PTPN22: variants seen among roughly 807,000 people sequenced by gnomAD.
PTPN22 encodes tyrosine-protein phosphatase non-receptor type 22.
A neutral mutation model predicts 103.3 loss-of-function variants in PTPN22; 85 were observed. That is an observed-to-expected ratio of 0.82 (90% CI 0.69 to 0.99). PTPN22 has a LOEUF of 0.99. Among genes scored for constraint, PTPN22 ranks in the 50% least tolerant of loss-of-function variants. The probability of loss-of-function intolerance (pLI) is 0.00; values close to 1 mark genes in which losing one functional copy is unlikely to be tolerated. For missense variants in PTPN22, 865 were observed against 936.9 expected (o/e 0.92, Z 1.00); for synonymous variants, 323 against 310.2 (o/e 1.04, Z -0.43).
At chr1:113,857,901 C>G in intron 4 of PTPN22, 125 bp from the exon 5 acceptor site, 1 of 801,318 alleles carries the variant, frequency 1.2e-6, no homozygotes, top group Non-Finnish European at 2.0e-6. Flanking sequence ...TTTTTTTAAC[C>G]AAAAAATAAA....
intron 11 of PTPN22, among the ~76,000 whole-genome samples, chr1:113,848,104 T>G (rs1212885214): frequency 2.0e-5 from 3 of 151,976 alleles, no homozygotes; most frequent in Non-Finnish European, 4.4e-5. Context: ...GCTGGAGTGC[T>G]GTGGTGCCAT....
chr1:113,840,279 C>T (rs1663433437), intron 11 of PTPN22, among the ~76,000 whole-genome samples: 2 of 150,312 alleles, frequency 1.3e-5, no homozygotes, highest in Non-Finnish European at 3.0e-5. Context: ...TCTCAGATGA[C>T]ATGATTTTAT....
exon 9 of PTPN22, chr1:113,854,502 A>G: frequency 6.2e-7 from 1 of 1,614,062 alleles, no homozygotes; most frequent in Non-Finnish European, 8.5e-7. Flanking sequence ...TGTATAATCA[A>G]TAGCACAAAT....
chr1:113,820,555 A>T (rs1292593857), intron 19 of PTPN22, among the ~76,000 whole-genome samples: 1 of 152,192 alleles, frequency 6.6e-6, no homozygotes, highest in Non-Finnish European at 1.5e-5. Flanking sequence ...ACTTATAGGT[A>T]TAAGTTAACT....
intron 19 of PTPN22, among the ~76,000 whole-genome samples, chr1:113,822,992 C>T (rs1302116637): frequency 6.6e-6 from 1 of 152,122 alleles, no homozygotes; most frequent in South Asian, 2.1e-4. Flanking sequence ...ACTACTCATT[C>T]TAAAGTGGAT....
rs951742208 is a variant in PTPN22 at position 113,836,591 on chromosome 1, T to C, written c.1810+999A>G. On this transcript the variant is annotated intron_variant, in intron 13 of 20. Coordinates refer to ENST00000359785, the Ensembl canonical transcript of PTPN22. ...AAAAATCTGGGTGCTATTGATCAAATTTTTTTCTGCTCTTCCTTTGGAAGC... is the reference window on the plus strand; with the variant it reads ...AAAAATCTGGGTGCTATTGATCAAACTTTTTTCTGCTCTTCCTTTGGAAGC... Among the ~76,000 whole-genome samples the C allele has an allele frequency of 2.0e-5, 3 of 152,178 alleles. No individual in the cohort carries two copies. In the South Asian group the frequency reaches 6.2e-4, roughly 32 times the overall value.
chr1:113,847,236 C>CTTTT (rs34578333), intron 11 of PTPN22, among the ~76,000 whole-genome samples: 1 of 101,444 alleles, frequency 9.9e-6, no homozygotes, highest in Non-Finnish European at 2.1e-5. Flanking sequence ...TGCTGAGACT[C>CTTTT]TTTTTTTTTT....
chr1:113,852,412 T>C (rs1169748852), intron 9 of PTPN22, among the ~76,000 whole-genome samples: 1 of 152,112 alleles, frequency 6.6e-6, no homozygotes, highest in Non-Finnish European at 1.5e-5. Context: ...TTGCATAAAA[T>C]AAAAGAGGTT....
In PTPN22 at chr1:113,834,904, A is replaced by G; in HGVS notation, c.1894+6T>C. 6.5e-7 allele frequency: 1 copy of G among 1,548,778 alleles called. No individual in the cohort carries two copies. Among genetic ancestry groups the G allele is most frequent in the Non-Finnish European group, 8.8e-7 (1 of 1,139,536 alleles). ...CTTTATTTTATACTTACTGAACTGT[A>G]CTCACCAGCTTCCTCAACCACAATA... On this transcript the variant is annotated splice_donor_region_variant and intron_variant, in intron 14 of 20. Coordinates refer to ENST00000359785, the Ensembl canonical transcript of PTPN22.
intron 1 of PTPN22, among the ~76,000 whole-genome samples, chr1:113,868,059 A>AT (rs1298832340): frequency 1.3e-5 from 2 of 152,098 alleles, no homozygotes; most frequent in African/African-American, 4.8e-5. Context: ...TATGCTTTAT[A>AT]TTTTTTATTT....
At chr1:113,871,750 T>TAAACC, upstream of PTPN22, 1 of 766,154 alleles carries the variant, frequency 1.3e-6, no homozygotes, top group Non-Finnish European at 2.2e-6. Context: ...GGCTGTGGTT[T>TAAACC]ACTGACTTCA....
chr1:113,856,039 A>T (rs1016414527), intron 7 of PTPN22, among the ~76,000 whole-genome samples: 17 of 152,182 alleles, frequency 1.1e-4, no homozygotes, highest in Non-Finnish European at 2.1e-4. Flanking sequence ...TTTGAGACAC[A>T]GTCTTGCTCT....
intron 1 of PTPN22, among the ~76,000 whole-genome samples, chr1:113,869,937 T>C (rs1285773411): frequency 1.3e-5 from 2 of 152,176 alleles, no homozygotes; most frequent in Non-Finnish European, 2.9e-5. Context: ...CACAAGATTA[T>C]CCATGTTGAG....
intron 11 of PTPN22, among the ~76,000 whole-genome samples, chr1:113,841,664 G>A (rs576754381): frequency 1.3e-4 from 19 of 150,482 alleles, no homozygotes; most frequent in African/African-American, 4.4e-4. Context: ...GTGCAGTGGT[G>A]CGATCTCGGC....
chr1:113,846,524 A>G (rs1377142635), intron 11 of PTPN22, among the ~76,000 whole-genome samples: 1 of 152,232 alleles, frequency 6.6e-6, no homozygotes, highest in East Asian at 1.9e-4. Context: ...ATAAAACTCA[A>G]GAGGAGAAGG....
At chr1:113,845,182 TG>T (rs1663937892) in intron 11 of PTPN22, among the ~76,000 whole-genome samples, 1 of 151,090 alleles carries the variant, frequency 6.6e-6, no homozygotes, top group East Asian at 1.9e-4. Flanking sequence ...TAATTTTGGT[TG>T]TTTTGTTTTT....
At chr1:113,819,806 G>A in intron 19 of PTPN22, 152 bp from the exon 20 acceptor site, 1 of 443,612 alleles carries the variant, frequency 2.3e-6, no homozygotes, top group Non-Finnish European at 3.9e-6. Flanking sequence ...TTACAAATGG[G>A]TTGACACTAT....
chr1:113,858,152 G>T, intron 4 of PTPN22: 1 of 206,764 alleles, frequency 4.8e-6, no homozygotes, highest in Non-Finnish European at 9.7e-6. Flanking sequence ...CAACCTCATG[G>T]GCTCAAGCGA....
intron 18 of PTPN22, among the ~76,000 whole-genome samples, chr1:113,825,680 T>C (rs1254925942): frequency 6.6e-6 from 1 of 152,102 alleles, no homozygotes; most frequent in Non-Finnish European, 1.5e-5. Context: ...AGTGAGAACA[T>C]GTCTTTTAAA....
Sources: gnomAD v4.1 joint callset for allele counts (sites outside exome capture counted in the v4.1 genomes callset) on GRCh38, gnomAD v4.1.1 for gene constraint, MANE v1.5 for transcripts, NCBI Gene and HGNC (gene_info 2026-07-23, HGNC 2026-07-21) for gene names.